The following SERPINF1 variants were observed in gnomAD, a reference collection of about 807,000 sequenced individuals.
The protein encoded by SERPINF1 is serpin family F member 1, also known as pigment epithelium-derived factor.
Under a neutral mutation model 37.3 loss-of-function variants are expected in SERPINF1, and 29 were observed. That is an observed-to-expected ratio of 0.78 (90% CI 0.58 to 1.06). The LOEUF (loss-of-function observed/expected upper bound fraction) is 1.06. SERPINF1 is among the 50% of genes least tolerant of loss of function. The pLI is 0.00. For synonymous variants in SERPINF1, 281 were observed against 227.9 expected, an observed-to-expected ratio of 1.23 and a Z score of -2.10; for missense variants, 553 against 532.2, an observed-to-expected ratio of 1.04 and a Z score of -0.38.
At position 1,776,714 on chromosome 17, in the gene SERPINF1, C is replaced by G. The variant is rs115672275; in HGVS notation, c.969C>G (p.Gly323=). ...TVPKLKLSYE[G]EVTKSLQEMK... The stretch of plus-strand genomic sequence containing the variant: ...CCAAGCTGAAGCTGAGTTATGAAGG[C>G]GAAGTCACCAAGTCCCTGCAGGAGA... The change falls in exon 7 of 8, where the codon GGC becomes GGG. Residue 323 remains glycine, a synonymous_variant. Coordinates refer to ENST00000254722, the MANE Select transcript of SERPINF1 (RefSeq NM_002615.7). The G allele has an allele frequency of 1.9e-6, 3 of 1,612,834 alleles. No individual in the cohort carries two copies. Among genetic ancestry groups the G allele is most frequent in the Non-Finnish European group, 2.5e-6 (3 of 1,179,576 alleles).
intron 7 of SERPINF1, 47 bp downstream of exon 7, chr17:1,776,789 CAGGGTCTT>C (rs776792217): frequency 3.2e-6 from 5 of 1,580,830 alleles, no homozygotes; most frequent in African/African-American, 2.7e-5. Context: ...TGGGGTGGGG[CAGGGTCTT>C]TGGGCCTTCC....
At chr17:1,768,605 C>T (rs962463806) in intron 2 of SERPINF1, among the ~76,000 whole-genome samples, 14 of 151,378 alleles carry the variant, frequency 9.2e-5, no homozygotes, top group South Asian at 2.1e-4. Context: ...TCCCAAATAG[C>T]TGGGACCACA....
chr17:1,770,452 C>CTTTT (rs35913837), intron 3 of SERPINF1: 30 of 162,286 alleles, frequency 1.8e-4, no homozygotes, highest in East Asian at 6.8e-4. Context: ...ACAGAATAGT[C>CTTTT]TTTTTTTTTT....
At chr17:1,773,992 G>C (rs1389494568) in intron 5 of SERPINF1, among the ~76,000 whole-genome samples, 1 of 152,174 alleles carries the variant, frequency 6.6e-6, no homozygotes, top group East Asian at 1.9e-4. Flanking sequence ...CTGGGTCCAG[G>C]ATATTATAGG....
intron 1 of SERPINF1, among the ~76,000 whole-genome samples, chr17:1,765,890 T>A (rs72822444): frequency 0.029 from 2,086 of 70,884 alleles, 60 homozygotes; most frequent in Non-Finnish European, 0.05. Flanking sequence ...AAAAAAAAAA[T>A]TTCAAATGTG....
intron 5 of SERPINF1, among the ~76,000 whole-genome samples, chr17:1,773,720 C>A (rs1907874982): frequency 6.6e-6 from 1 of 152,134 alleles, no homozygotes; most frequent in Non-Finnish European, 1.5e-5. Context: ...GTTCTGTACC[C>A]AAGACATGGC....
rs565769098 is a variant in SERPINF1 at position 1,772,792 on chromosome 17, C to T, written c.643+717C>T. Among the ~76,000 whole-genome samples the T allele has an allele frequency of 3.3e-3, 507 of 151,520 alleles. 3 individuals are homozygous for T. Among genetic ancestry groups the T allele is most frequent in the Middle Eastern group, 0.028 (8 of 290 alleles). ...CGATCTCCTGACCTCGTGATCCACC[C>T]GCCTCAGCCTCCCAAAGTGCTGGGA... On this transcript the variant is annotated intron_variant, in intron 5 of 7. Transcript: ENST00000254722.
intron 6 of SERPINF1, 23 bp downstream of exon 6, chr17:1,775,223 T>TGGGGGG: frequency 1.3e-6 from 2 of 1,568,468 alleles, no homozygotes; most frequent in South Asian, 1.1e-5. Context: ...AGGGGCAGGG[T>TGGGGGG]GGGGGGTGGA....
At chr17:1,770,895 G>C (rs767549737) in intron 3 of SERPINF1, 134 bp from the exon 4 acceptor site, 2 of 1,130,298 alleles carry the variant, frequency 1.8e-6, no homozygotes, top group South Asian at 1.2e-5. Flanking sequence ...TGGCCACCTA[G>C]ATTGTCTTGA....
In SERPINF1 at chr17:1,771,079, T is replaced by C; in HGVS notation, c.334T>C (p.Leu112=). Reference sequence around the variant, plus strand: ...CATTCACCGGGCTCTCTACTATGACTTGATCAGCAGCCCAGACATCCATGG... The same window carrying C: ...CATTCACCGGGCTCTCTACTATGACCTGATCAGCAGCCCAGACATCCATGG... ...SIIHRALYYD[L]ISSPDIHGTY... The change falls in exon 4 of 8, where the codon TTG becomes CTG. Residue 112 remains leucine (L), a synonymous_variant. Coordinates refer to ENST00000254722, the MANE Select transcript of SERPINF1 (RefSeq NM_002615.7). 1 of 1,614,034 alleles carries C rather than the reference T, an allele frequency of 6.2e-7. No homozygotes were observed. Among genetic ancestry groups the C allele is most frequent in the South Asian group, 1.1e-5 (1 of 91,072 alleles).
chr17:1,775,698 C>T (rs1411005895), intron 6 of SERPINF1, among the ~76,000 whole-genome samples: 2 of 152,128 alleles, frequency 1.3e-5, no homozygotes, highest in African/African-American at 2.4e-5. Context: ...CGTGTGCCAC[C>T]ATGCCTGGCT....
intron 2 of SERPINF1, chr17:1,769,632 A>G: frequency 1.7e-6 from 1 of 599,056 alleles, no homozygotes. Flanking sequence ...TCAAATAAAA[A>G]AAAAACAGCT....
intron 4 of SERPINF1, 87 bp from the exon 5 acceptor site, chr17:1,771,785 A>T: frequency 7.3e-7 from 1 of 1,372,472 alleles, no homozygotes; most frequent in Non-Finnish European, 1.0e-6. Flanking sequence ...CTGAGCGCTA[A>T]ACCAGAACCC....
In SERPINF1 at chr17:1,775,015, C is replaced by G. The variant is rs114341069; in HGVS notation, c.644-43C>G. 2,438 of 1,613,740 alleles carry G rather than the reference C, an allele frequency of 1.5e-3. 36 individuals are homozygous for G. The African/African-American group carries it at 0.028, about 19-fold the overall frequency. On this transcript the variant is annotated intron_variant, in intron 5 of 7. Coordinates refer to ENST00000254722, the MANE Select transcript of SERPINF1 (RefSeq NM_002615.7). ...GACACAGCATGGCGCCACTGTCTTT[C>G]TGGTCTCCTGGGGCTCAGACTATGT...
chr17:1,777,474 A>C lies in SERPINF1; in HGVS notation c.*28A>C. The stretch of plus-strand genomic sequence containing the variant: ...TCCCAGTTTAATATTCCAATACCCT[A>C]GAAGAAAACCCGAGGGACAGCAGAT... On this transcript the variant is annotated 3_prime_UTR_variant, in exon 8 of 8. Transcript: ENST00000254722. 6.8e-6 allele frequency: 11 copies of C among 1,613,808 alleles called. No individual in the cohort carries two copies. The highest frequency in any genetic ancestry group is 9.3e-6 in the Non-Finnish European group (11 of 1,180,012).
intron 2 of SERPINF1, 104 bp downstream of exon 2, chr17:1,767,098 C>A: frequency 1.0e-6 from 1 of 977,726 alleles, no homozygotes; most frequent in Non-Finnish European, 1.5e-6. Flanking sequence ...CCAGGCCAGG[C>A]TTGGGCCTTT....
chr17:1,775,803 G>T (rs1324090421), intron 6 of SERPINF1, among the ~76,000 whole-genome samples: 1 of 152,156 alleles, frequency 6.6e-6, no homozygotes, highest in Non-Finnish European at 1.5e-5. Context: ...CAAAACACAG[G>T]GATTCCAGGC....
At position 1,771,987 on chromosome 17, in the gene SERPINF1, G is replaced by A. The variant is rs34063250; in HGVS notation, c.555G>A (p.Gln185=). ...TGCAAGAGATCAACAACTGGGTGCA[G>A]GCGCAGATGAAAGGGAAGCTCGCCA... ...LDLQEINNWV[Q]AQMKGKLARS... The change falls in exon 5 of 8, where the codon CAG becomes CAA. Residue 185 remains glutamine (Q), a synonymous_variant. Coordinates refer to ENST00000254722, the MANE Select transcript of SERPINF1 (RefSeq NM_002615.7). 680 of 1,613,978 alleles carry A rather than the reference G, an allele frequency of 4.2e-4. 3 individuals are homozygous for A. In the African/African-American group the frequency reaches 8.0e-3, roughly 19 times the overall value.
At chr17:1,772,471 G>A (rs1311412403) in intron 5 of SERPINF1, among the ~76,000 whole-genome samples, 2 of 152,008 alleles carry the variant, frequency 1.3e-5, no homozygotes, top group East Asian at 1.9e-4. Context: ...GGCTGGTCTC[G>A]AACTCCTGGG....
Sources: allele counts gnomAD v4.1 joint callset (sites outside exome capture counted in the v4.1 genomes callset), GRCh38; gene constraint gnomAD v4.1.1; transcripts MANE v1.5; gene names NCBI Gene and HGNC (gene_info 2026-07-23, HGNC 2026-07-21).